TNNI3K: variants seen among roughly 807,000 people sequenced by gnomAD.
TNNI3K encodes the protein serine/threonine-protein kinase TNNI3K.
Under a neutral mutation model 114.5 loss-of-function variants are expected in TNNI3K, and 140 were observed. That is an observed-to-expected ratio of 1.22 (90% CI 1.07 to 1.41). TNNI3K has a LOEUF of 1.41. Among genes scored for constraint, TNNI3K ranks in the 40% most tolerant of loss-of-function variants. The probability of loss-of-function intolerance (pLI) is 0.00; values close to 1 mark genes in which losing one functional copy is unlikely to be tolerated. For missense variants in TNNI3K, 1,125 were observed against 1,007.6 expected (o/e 1.12, Z -1.58); for synonymous variants, 347 against 347.5 (o/e 1.00, Z 0.02).
intron 21 of TNNI3K, among the ~76,000 whole-genome samples, chr1:74,486,114 C>T (rs1473732028): frequency 6.6e-6 from 1 of 151,482 alleles, no homozygotes; most frequent in Non-Finnish European, 1.5e-5. Flanking sequence ...TGAATTCTGT[C>T]CTCTGTTCCT....
chr1:74,360,851 C>T (rs538763232), intron 11 of TNNI3K, among the ~76,000 whole-genome samples: 4 of 152,218 alleles, frequency 2.6e-5, no homozygotes, highest in Admixed American at 1.3e-4. Context: ...TATACTGAAA[C>T]ACTCTCTTCT....
chr1:74,419,646 G>T (rs1665298895), intron 17 of TNNI3K, among the ~76,000 whole-genome samples: 1 of 152,038 alleles, frequency 6.6e-6, no homozygotes, highest in Non-Finnish European at 1.5e-5. Context: ...GTACCCAAAA[G>T]CCTGTGTCTA....
At chr1:74,298,201 T>G (rs1430269262) in intron 5 of TNNI3K, among the ~76,000 whole-genome samples, 4 of 152,134 alleles carry the variant, frequency 2.6e-5, no homozygotes, top group Non-Finnish European at 5.9e-5. Flanking sequence ...CATACAATAG[T>G]AGAGTAGGCA....
At chr1:74,277,796 A>G (rs1656773484) in intron 5 of TNNI3K, among the ~76,000 whole-genome samples, 2 of 152,206 alleles carry the variant, frequency 1.3e-5, no homozygotes, top group Admixed American at 1.3e-4. Context: ...CTTATTACAG[A>G]AAAGTGTACT....
At chr1:74,359,607 A>G (rs186886377) in intron 11 of TNNI3K, among the ~76,000 whole-genome samples, 4 of 152,050 alleles carry the variant, frequency 2.6e-5, no homozygotes, top group Admixed American at 2.6e-4. Context: ...GATTTTGAAA[A>G]TAACTAATCA....
chr1:74,503,126 AAAC>A (rs1386968772), intron 23 of TNNI3K, among the ~76,000 whole-genome samples: 2 of 152,180 alleles, frequency 1.3e-5, no homozygotes, highest in Non-Finnish European at 2.9e-5. Context: ...TGAATGAAAA[AAAC>A]AACAACAATC....
Position 74,369,048 on chromosome 1 carries a change from G to T in TNNI3K, c.1348G>T (p.Ala450Ser), listed in dbSNP as rs1276448504. ...KEKADILLLR[A>S]GLPSHFHLQL... Reference sequence around the variant, plus strand: ...GAAGGCAGATATTCTCCTCCTAAGAGCTGGATTGCCTTCACATTTCCATCT... The same window carrying T: ...GAAGGCAGATATTCTCCTCCTAAGATCTGGATTGCCTTCACATTTCCATCT... Residue 450 changes from alanine to serine, a missense_variant, in exon 14 of 25, where the codon GCT becomes TCT. Ala to Ser is a moderately conservative substitution (Grantham distance 99). Transcript: ENST00000326637. The T allele has an allele frequency of 1.9e-6, 3 of 1,608,810 alleles. No individual in the cohort carries two copies. Among genetic ancestry groups the T allele is most frequent in the Non-Finnish European group, 2.5e-6 (3 of 1,177,946 alleles).
chr1:74,434,619 G>C (rs1368619550), intron 17 of TNNI3K, among the ~76,000 whole-genome samples: 3 of 151,868 alleles, frequency 2.0e-5, no homozygotes, highest in African/African-American at 7.2e-5. Context: ...TGAACTTCCA[G>C]AGAGCTCCTG....
intron 17 of TNNI3K, chr1:74,371,945 A>G (rs537699016): frequency 6.6e-6 from 1 of 151,666 alleles, no homozygotes; most frequent in African/African-American, 2.4e-5. Context: ...GTGGCAGTGG[A>G]TATGAAAGGA....
chr1:74,443,951 A>ATTCAACATC (rs1238136519), intron 20 of TNNI3K, among the ~76,000 whole-genome samples: 29 of 152,340 alleles, frequency 1.9e-4, no homozygotes, highest in Non-Finnish European at 8.8e-5. Flanking sequence ...CTTTGATACA[A>ATTCAACATC]TTCAACATCC....
At chr1:74,384,749 A>C (rs184354864) in intron 17 of TNNI3K, among the ~76,000 whole-genome samples, 1 of 152,290 alleles carries the variant, frequency 6.6e-6, no homozygotes. Context: ...TGAAAAAAAC[A>C]GTGGCAACGT....
intron 5 of TNNI3K, among the ~76,000 whole-genome samples, chr1:74,313,852 A>G (rs1361816718): frequency 1.3e-5 from 2 of 151,944 alleles, no homozygotes; most frequent in East Asian, 3.9e-4. Flanking sequence ...TATATCATCA[A>G]ATTTAATCCT....
At chr1:74,441,547 T>A (rs1666374070) in intron 20 of TNNI3K, among the ~76,000 whole-genome samples, 2 of 152,170 alleles carry the variant, frequency 1.3e-5, no homozygotes, top group African/African-American at 4.8e-5. Flanking sequence ...GATGGATTGC[T>A]ACATGTTATA....
At position 74,250,524 on chromosome 1, in the gene TNNI3K, T is replaced by C. The variant is rs978183530; in HGVS notation, c.236-148T>C. 3.1e-5 allele frequency: 18 copies of C among 581,200 alleles called. No individual in the cohort carries two copies. The East Asian group carries it at 5.8e-4, about 19-fold the overall frequency. 36.0% of individuals were successfully genotyped at this position (581,200 alleles called of 1,614,324 possible). A position where few individuals can be genotyped will look rare whatever the true frequency, so the allele number is the denominator to read the frequency against. ...AAATATCCCCTAGTAAGTAAGGTTGTCAATTAATAGAAAACTTTACAAATG... is the reference window on the plus strand; with the variant it reads ...AAATATCCCCTAGTAAGTAAGGTTGCCAATTAATAGAAAACTTTACAAATG... On this transcript the variant is annotated intron_variant, in intron 3 of 24. Coordinates refer to ENST00000326637, the MANE Select transcript of TNNI3K (RefSeq NM_015978.3).
chr1:74,459,687 T>C (rs920365968), intron 20 of TNNI3K, among the ~76,000 whole-genome samples: 4 of 152,370 alleles, frequency 2.6e-5, no homozygotes, highest in African/African-American at 9.6e-5. Flanking sequence ...AATACATGAA[T>C]GAGGTTATCA....
chr1:74,304,164 T>C (rs373926350), intron 5 of TNNI3K, among the ~76,000 whole-genome samples: 66 of 152,346 alleles, frequency 4.3e-4, no homozygotes, highest in African/African-American at 1.5e-3. Context: ...CTTGAGAGAA[T>C]TGACCCAAAT....
intron 5 of TNNI3K, among the ~76,000 whole-genome samples, chr1:74,320,914 G>C (rs45532439): frequency 6.6e-6 from 1 of 152,134 alleles, no homozygotes; most frequent in Non-Finnish European, 1.5e-5. Flanking sequence ...GAAAAAAACT[G>C]TTGTCAGATG....
At chr1:74,447,329 T>C (rs1402020416) in intron 20 of TNNI3K, among the ~76,000 whole-genome samples, 2 of 150,124 alleles carry the variant, frequency 1.3e-5, no homozygotes, top group Non-Finnish European at 2.9e-5. Context: ...CACTCATGAT[T>C]TGGCTCTCTG....
chr1:74,505,477 T>C (rs1669845498), intron 23 of TNNI3K, among the ~76,000 whole-genome samples: 1 of 152,184 alleles, frequency 6.6e-6, no homozygotes, highest in Admixed American at 6.5e-5. Flanking sequence ...ACAAGAGCAA[T>C]GATTTCTAAA....
Sources: gnomAD v4.1 joint callset for allele counts (sites outside exome capture counted in the v4.1 genomes callset) on GRCh38, gnomAD v4.1.1 for gene constraint, MANE v1.5 for transcripts, NCBI Gene and HGNC (gene_info 2026-07-23, HGNC 2026-07-21) for gene names.